Variants in KANK1 observed in about 807,000 individuals in gnomAD.
KANK1 encodes the protein KN motif and ankyrin repeat domain-containing protein 1.
Under a neutral mutation model 106.2 loss-of-function variants are expected in KANK1, and 109 were observed. The ratio of observed to expected loss-of-function variants is 1.03; its 90% CI spans 0.88 to 1.20. KANK1 has a LOEUF of 1.20. KANK1 is among the 50% of genes most tolerant of loss of function. KANK1 has a pLI of 0.00. For synonymous variants in KANK1, 873 were observed against 652.2 expected (o/e 1.34, Z -5.16); for missense variants, 2,399 against 1,710.7 (o/e 1.40, Z -7.10).
intron 1 of KANK1, among the ~76,000 whole-genome samples, chr9:511,458 C>T (rs1220499013): frequency 1.3e-5 from 2 of 152,148 alleles, no homozygotes; most frequent in Non-Finnish European, 2.9e-5. Context: ...GGCACAGTTA[C>T]TAAACCTCTC....
chr9:472,905 CTACCCTA>C (rs1424134371), intron 2 of KANK1, among the ~76,000 whole-genome samples: 1 of 152,194 alleles, frequency 6.6e-6, no homozygotes, highest in Non-Finnish European at 1.5e-5. Flanking sequence ...AGAGCATGAA[CTACCCTA>C]GGTGAGACCA....
At chr9:648,430 T>C (rs1018439617) in intron 1 of KANK1, among the ~76,000 whole-genome samples, 2 of 152,220 alleles carry the variant, frequency 1.3e-5, no homozygotes, top group African/African-American at 4.8e-5. Context: ...CTCTGGGTCA[T>C]TAAATGGCAT....
At chr9:646,115 T>C (rs922137456) in intron 1 of KANK1, among the ~76,000 whole-genome samples, 14 of 150,872 alleles carry the variant, frequency 9.3e-5, no homozygotes, top group Non-Finnish European at 1.9e-4. Flanking sequence ...TTGTTTAGGA[T>C]ACCTATTTTG....
At chr9:717,284 AAAAAG>A (rs1306638749) in intron 3 of KANK1, among the ~76,000 whole-genome samples, 4 of 152,086 alleles carry the variant, frequency 2.6e-5, no homozygotes, top group Non-Finnish European at 4.4e-5. Flanking sequence ...CCTGTCTCAA[AAAAAG>A]AAAAGAAAAA....
chr9:651,904 A>T (rs893784526), intron 1 of KANK1, among the ~76,000 whole-genome samples: 3 of 152,196 alleles, frequency 2.0e-5, no homozygotes, highest in African/African-American at 7.2e-5. Context: ...TAAAAAACTA[A>T]AGTTGCTATA....
At position 746,059 on chromosome 9, in the gene KANK1, C is replaced by T. The variant is rs1403552470; in HGVS notation, c.*824C>T. On this transcript the variant is annotated 3_prime_UTR_variant, in exon 12 of 12. Transcript: ENST00000382297. ...CTATGTATTTAAATGTTTGAAGTGC[C>T]TTAGACTCTTGCCATATTTTCAAAA... 6.6e-6 allele frequency: 1 copy of T among 152,564 alleles called. No homozygotes were observed. Among genetic ancestry groups the T allele is most frequent in the Non-Finnish European group, 1.5e-5 (1 of 68,042 alleles). 9.5% of individuals were successfully genotyped at this position (152,564 alleles called of 1,614,324 possible).
intron 1 of KANK1, among the ~76,000 whole-genome samples, chr9:557,084 A>G (rs2061637116): frequency 6.6e-6 from 1 of 152,050 alleles, no homozygotes; most frequent in African/African-American, 2.4e-5. Flanking sequence ...TTGAGAGGCC[A>G]AGGCAGGAGG....
intron 1 of KANK1, among the ~76,000 whole-genome samples, 181 bp from the exon 2 acceptor site, chr9:676,709 C>T (rs755550890): frequency 6.6e-6 from 1 of 152,186 alleles, no homozygotes; most frequent in African/African-American, 2.4e-5. Flanking sequence ...ACTGGTACAT[C>T]CGTGGGTGTT....
At chr9:565,652 C>T (rs756112354) in intron 1 of KANK1, among the ~76,000 whole-genome samples, 1 of 152,070 alleles carries the variant, frequency 6.6e-6, no homozygotes, top group Non-Finnish European at 1.5e-5. Flanking sequence ...GAGTCTGCCT[C>T]TGGGTTAGGG....
intron 1 of KANK1, among the ~76,000 whole-genome samples, chr9:643,667 A>T (rs2137245389): frequency 6.8e-6 from 1 of 147,880 alleles, no homozygotes; most frequent in Middle Eastern, 3.5e-3. Flanking sequence ...GGTGTGAGCC[A>T]ATGTGCCTAG....
At chr9:472,034 C>T (rs943697897) in intron 2 of KANK1, among the ~76,000 whole-genome samples, 1 of 152,162 alleles carries the variant, frequency 6.6e-6, no homozygotes, top group Admixed American at 6.5e-5. Flanking sequence ...AAAAAGAGCC[C>T]TGCTCTCCCA....
At chr9:588,742 T>G (rs570956191) in intron 1 of KANK1, among the ~76,000 whole-genome samples, 1 of 152,258 alleles carries the variant, frequency 6.6e-6, no homozygotes, top group African/African-American at 2.4e-5. Context: ...GGGCACGGAC[T>G]GTAGAGTTAG....
chr9:602,476 T>C (rs550463035), intron 1 of KANK1, among the ~76,000 whole-genome samples: 26 of 151,900 alleles, frequency 1.7e-4, no homozygotes, highest in African/African-American at 6.1e-4. Flanking sequence ...GCCAGGATGG[T>C]CTCAATCTCT....
chr9:741,579 C>A (rs895148790), intron 9 of KANK1, among the ~76,000 whole-genome samples: 5 of 151,844 alleles, frequency 3.3e-5, no homozygotes, highest in Admixed American at 1.3e-4. Flanking sequence ...GCTCTGCCTC[C>A]CGGGTTCACA....
chr9:682,235 G>C (rs960963415), intron 2 of KANK1, among the ~76,000 whole-genome samples: 6 of 151,324 alleles, frequency 4.0e-5, no homozygotes, highest in African/African-American at 1.5e-4. Flanking sequence ...TCCCGACACA[G>C]TGCTACTGCA....
intron 7 of KANK1, chr9:735,758 C>G (rs1009248467): frequency 4.6e-6 from 2 of 436,148 alleles, no homozygotes; most frequent in African/African-American, 4.0e-5. Flanking sequence ...CTTCGGGAGG[C>G]CGATGCAGGT....
chr9:575,525 AG>A (rs1820316310), intron 1 of KANK1, among the ~76,000 whole-genome samples: 1 of 133,106 alleles, frequency 7.5e-6, no homozygotes, highest in Admixed American at 7.5e-5. Flanking sequence ...AAAAAAAAAA[AG>A]CCAGGAATGG....
chr9:582,759 C>A (rs551499184), intron 1 of KANK1, among the ~76,000 whole-genome samples: 1 of 152,204 alleles, frequency 6.6e-6, no homozygotes, highest in Non-Finnish European at 1.5e-5. Context: ...CTGTGAATGC[C>A]TCTTCATCTA....
intron 7 of KANK1, among the ~76,000 whole-genome samples, chr9:735,064 C>G (rs1184040392): frequency 6.6e-6 from 1 of 152,172 alleles, no homozygotes. Context: ...CTGGACTTTT[C>G]CTGGGGTGGA....
Sources: gnomAD v4.1 joint callset for allele counts (sites outside exome capture counted in the v4.1 genomes callset) on GRCh38, gnomAD v4.1.1 for gene constraint, MANE v1.5 for transcripts, NCBI Gene and HGNC (gene_info 2026-07-23, HGNC 2026-07-21) for gene names.